USH2A: variants seen among roughly 807,000 people sequenced by gnomAD.
USH2A encodes Usher syndrome 2A (autosomal recessive, mild).
A neutral mutation model predicts 538.9 loss-of-function variants in USH2A; 443 were observed. That is an observed-to-expected ratio of 0.82 (90% CI 0.76 to 0.89). The LOEUF is 0.89. Among genes scored for constraint, USH2A ranks in the 40% least tolerant of loss-of-function variants. The pLI is 0.00. For missense variants in USH2A, 6,633 were observed against 6,324.8 expected, an observed-to-expected ratio of 1.05 and a Z score of -1.65; for synonymous variants, 2,413 against 2,273.5, an observed-to-expected ratio of 1.06 and a Z score of -1.75.
chr1:215,676,126 G>A (rs142342475), intron 62 of USH2A, among the ~76,000 whole-genome samples: 1 of 151,828 alleles, frequency 6.6e-6, no homozygotes, highest in Non-Finnish European at 1.5e-5. Flanking sequence ...GTGTGTTTAG[G>A]CACACAGACA....
At chr1:215,695,693 T>A (rs4430300) in intron 61 of USH2A, among the ~76,000 whole-genome samples, 4,674 of 152,172 alleles carry the variant, frequency 0.031, 234 homozygotes, top group African/African-American at 0.11. Flanking sequence ...GGTTAGGGGA[T>A]CCAATGTCCT....
chr1:215,780,598 A>G (rs1302987934), intron 54 of USH2A, among the ~76,000 whole-genome samples: 3 of 152,246 alleles, frequency 2.0e-5, no homozygotes, highest in Non-Finnish European at 4.4e-5. Flanking sequence ...AAAAAAATAA[A>G]TCAATTACTT....
chr1:215,650,991 A>T (rs1201586614), intron 64 of USH2A, among the ~76,000 whole-genome samples, 190 bp from the exon 65 acceptor site: 1 of 151,870 alleles, frequency 6.6e-6, no homozygotes, highest in Non-Finnish European at 1.5e-5. Flanking sequence ...TTCCTTTTTT[A>T]TTTTTATTTT....
chr1:215,711,255 A>T (rs1425986875), intron 61 of USH2A, among the ~76,000 whole-genome samples: 1 of 152,250 alleles, frequency 6.6e-6, no homozygotes, highest in Middle Eastern at 3.2e-3. Flanking sequence ...TATTCATAAG[A>T]TCAAGTCAAT....
At chr1:216,392,885 C>CA (rs2039135265) in intron 3 of USH2A, among the ~76,000 whole-genome samples, 1 of 152,004 alleles carries the variant, frequency 6.6e-6, no homozygotes, top group South Asian at 2.1e-4. Flanking sequence ...TGATTTTATT[C>CA]AAAAATTACT....
chr1:216,170,329 G>GA (rs1344054663), intron 21 of USH2A, among the ~76,000 whole-genome samples: 1 of 152,022 alleles, frequency 6.6e-6, no homozygotes, highest in African/African-American at 2.4e-5. Flanking sequence ...TTGGGAAGGT[G>GA]AATACTATGA....
chr1:216,014,137 G>C lies in USH2A; in HGVS notation c.6326-13575C>G, dbSNP rs570985314. Among the ~76,000 whole-genome samples the C allele has an allele frequency of 9.9e-5, 15 of 152,106 alleles. No homozygotes were observed. In the South Asian group the frequency reaches 2.9e-3, roughly 30 times the overall value. On this transcript the variant is annotated intron_variant, in intron 32 of 71. Coordinates refer to ENST00000307340, the MANE Select transcript of USH2A (RefSeq NM_206933.4). ...AATTTGACATGTGGCAGAGAAAGTT[G>C]CACGGTGATCTGATTGGGAAATTCT...
At chr1:215,831,432 C>A (rs1458560203) in intron 47 of USH2A, among the ~76,000 whole-genome samples, 1 of 152,002 alleles carries the variant, frequency 6.6e-6, no homozygotes, top group Non-Finnish European at 1.5e-5. Flanking sequence ...AGTGCACATC[C>A]ATTCACTAAG....
chr1:215,977,381 G>T (rs1427358143), intron 35 of USH2A, among the ~76,000 whole-genome samples: 2 of 151,976 alleles, frequency 1.3e-5, no homozygotes, highest in Non-Finnish European at 2.9e-5. Flanking sequence ...TTGTACCTCT[G>T]TTTTCATTTA....
intron 4 of USH2A, among the ~76,000 whole-genome samples, chr1:216,342,843 G>A (rs888071674): frequency 1.5e-4 from 23 of 152,104 alleles, no homozygotes; most frequent in Middle Eastern, 3.4e-3. Flanking sequence ...TTCAGGTGTG[G>A]GGAGGGGAGA....
chr1:216,169,113 G>A (rs2034226131), intron 21 of USH2A, among the ~76,000 whole-genome samples: 4 of 152,070 alleles, frequency 2.6e-5, no homozygotes, highest in South Asian at 2.1e-4. Context: ...GAGTGGTTGC[G>A]GAAAACCCAG....
intron 14 of USH2A, among the ~76,000 whole-genome samples, chr1:216,228,574 CT>C (rs1289128015): frequency 6.6e-6 from 1 of 152,102 alleles, no homozygotes; most frequent in East Asian, 1.9e-4. Context: ...GGGAGTTTCC[CT>C]GCACAAGCTT....
At chr1:216,200,981 CT>C (rs2034978918) in intron 16 of USH2A, among the ~76,000 whole-genome samples, 5 of 28,782 alleles carry the variant, frequency 1.7e-4, no homozygotes, top group Non-Finnish European at 2.8e-4. Flanking sequence ...CCATCCATCC[CT>C]CCCTCCCTCC....
Position 216,006,084 on chromosome 1 carries a change from A to G in USH2A, c.6326-5522T>C, listed in dbSNP as rs1668384304. Among the ~76,000 whole-genome samples the G allele has an allele frequency of 2.0e-5, 3 of 152,014 alleles. No homozygotes were observed. In the South Asian group the frequency reaches 6.2e-4, roughly 32 times the overall value. On this transcript the variant is annotated intron_variant, in intron 32 of 71. Coordinates refer to ENST00000307340, the MANE Select transcript of USH2A (RefSeq NM_206933.4). ...TTTCAATCATAATCCCTTTTTGGCA[A>G]CTCTAACATCCTCAATAATGACTCA...
chr1:215,686,658 T>C (rs1658432406), intron 61 of USH2A, among the ~76,000 whole-genome samples: 1 of 152,028 alleles, frequency 6.6e-6, no homozygotes, highest in Admixed American at 6.5e-5. Context: ...TTTGAAGGAA[T>C]AATGGAAGAA....
rs12143253 is a variant in USH2A at position 216,289,960 on chromosome 1, A to G, written c.1841-550T>C. On this transcript the variant is annotated intron_variant, in intron 10 of 71. Coordinates refer to ENST00000307340, the MANE Select transcript of USH2A (RefSeq NM_206933.4). The stretch of plus-strand genomic sequence containing the variant: ...ATTTCAAAGATTGAAATAGAAATTC[A>G]TTATATTTAGAGATACCAAGTACTT... 9.6e-3 allele frequency among the ~76,000 whole-genome samples: 1,457 copies of G among 152,282 alleles called. 18 individuals are homozygous for G. The highest frequency in any genetic ancestry group is 0.013 in the Non-Finnish European group (894 of 67,992).
intron 56 of USH2A, among the ~76,000 whole-genome samples, chr1:215,764,053 G>A (rs1055899547): frequency 2.0e-5 from 3 of 152,066 alleles, no homozygotes; most frequent in African/African-American, 7.2e-5. Flanking sequence ...AAGTACTGAG[G>A]TTAAAGTTTT....
chr1:216,251,575 C>T (rs2036164404), intron 11 of USH2A, among the ~76,000 whole-genome samples: 3 of 149,964 alleles, frequency 2.0e-5, no homozygotes, highest in African/African-American at 2.4e-5. Flanking sequence ...CTCAGCCTTC[C>T]GAGTAGCTGG....
At chr1:215,980,499 A>G (rs1468391772) in intron 35 of USH2A, among the ~76,000 whole-genome samples, 1 of 152,180 alleles carries the variant, frequency 6.6e-6, no homozygotes, top group Non-Finnish European at 1.5e-5. Context: ...TTTAAAAGCA[A>G]AAGGCCATGT....
Sources: gnomAD v4.1 joint callset for allele counts (sites outside exome capture counted in the v4.1 genomes callset) on GRCh38, gnomAD v4.1.1 for gene constraint, MANE v1.5 for transcripts, NCBI Gene and HGNC (gene_info 2026-07-23, HGNC 2026-07-21) for gene names.